Variants in ACAD8 observed in about 807,000 individuals in gnomAD.
The protein encoded by ACAD8 is isobutyryl-CoA dehydrogenase, mitochondrial.
In ACAD8, 47 loss-of-function variants were observed where a neutral mutation model predicts 53.1. That is an observed-to-expected ratio of 0.89 (90% CI 0.70 to 1.13). The LOEUF is 1.13. Ranked by LOEUF, ACAD8 falls within the 50% of genes most tolerant of loss-of-function variation. The pLI is 0.00. For synonymous variants in ACAD8, 198 were observed against 201.3 expected, an observed-to-expected ratio of 0.98 and a Z score of 0.14; for missense variants, 494 against 535.0, an observed-to-expected ratio of 0.92 and a Z score of 0.76.
chr11:134,261,690 G>A lies in ACAD8; in HGVS notation c.940-48G>A. The A allele has an allele frequency of 6.2e-7, 1 of 1,610,210 alleles. No individual in the cohort carries two copies. The highest frequency in any genetic ancestry group is 8.5e-7 in the Non-Finnish European group (1 of 1,179,928). On this transcript the variant is annotated intron_variant, in intron 8 of 10. Coordinates refer to ENST00000281182, the MANE Select transcript of ACAD8 (RefSeq NM_014384.3). This position sits in a 1 kb window ranked among gnomAD's most constrained non-coding sequence, Gnocchi z 4.2. ...TACCGAGGCTCCTGCACCAGGTGCT[G>A]GTCTAAGCCCCTCAGTCTTGTCTGG...
At chr11:134,263,909 ATTTC>A in intron 10 of ACAD8, 1 of 985,398 alleles carries the variant, frequency 1.0e-6, no homozygotes, top group Non-Finnish European at 1.2e-6. Flanking sequence ...GGGGGTTTAT[ATTTC>A]TTTTTGCATT....
At position 134,261,068 on chromosome 11, in the gene ACAD8, C is replaced by G. The variant is rs746960051; in HGVS notation, c.730C>G (p.Arg244Gly). ...GGTGGGGTGGAACTCCCAGCCAACA[C>G]GAGCTGTGATCTTCGAAGACTGTGC... ...KKVGWNSQPT[R>G]AVIFEDCAVP... The change falls in exon 7 of 11, where the codon CGA (arginine) becomes GGA (glycine). Residue 244 changes from arginine to glycine, a missense_variant. Physicochemically the swap from Arg to Gly is moderately radical, Grantham distance 125. Coordinates refer to ENST00000281182, the MANE Select transcript of ACAD8 (RefSeq NM_014384.3). The surrounding 1 kb of genome is among the most constrained non-coding windows in gnomAD (Gnocchi z 4.2). The G allele has an allele frequency of 3.7e-6, 6 of 1,612,662 alleles. No homozygotes were observed. Among genetic ancestry groups the G allele is most frequent in the Non-Finnish European group, 5.1e-6 (6 of 1,179,448 alleles).
At chr11:134,263,156 T>C in intron 10 of ACAD8, 1 of 1,075,576 alleles carries the variant, frequency 9.3e-7, no homozygotes. Flanking sequence ...TGGAAGCCGT[T>C]GGGGTCGGGC....
At chr11:134,262,872 A>T in intron 10 of ACAD8, 1 of 1,386,144 alleles carries the variant, frequency 7.2e-7, no homozygotes, top group Admixed American at 2.2e-5. Flanking sequence ...GATCTGCGAG[A>T]AGGGTGAACT....
intron 10 of ACAD8, chr11:134,264,114 G>T (rs529235486): frequency 1.1e-6 from 1 of 936,668 alleles, no homozygotes; most frequent in Non-Finnish European, 1.3e-6. Context: ...GGAGGCTGAG[G>T]CGGGTGGATC....
In ACAD8 at chr11:134,265,361, C is replaced by A; in HGVS notation, c.*401C>A. 4.7e-6 allele frequency: 1 copy of A among 214,158 alleles called. No individual in the cohort carries two copies. Among genetic ancestry groups the A allele is most frequent in the Non-Finnish European group, 9.4e-6 (1 of 105,824 alleles). The allele number at this position is 214,158 out of a possible 1,614,324, so 13.3% of individuals were successfully genotyped here. ...ACTGATGCTCTTCCTGATTCTAGAG[C>A]AAAGGTGTGGGAAGGGGAAATGGAG... On this transcript the variant is annotated 3_prime_UTR_variant, in exon 11 of 11. Transcript: ENST00000281182.
intron 3 of ACAD8, chr11:134,258,026 A>G (rs147372666): frequency 0.036 from 7,069 of 194,920 alleles, 528 homozygotes; most frequent in African/African-American, 0.16. Flanking sequence ...ATTTTTTTTC[A>G]TATTTAGTAG....
In ACAD8 at chr11:134,260,902, CT is replaced by C. The variant is rs1238236153; in HGVS notation, c.706-137del. On this transcript the variant is annotated intron_variant, in intron 6 of 10. Transcript: ENST00000281182. ...GTGCTGACAGGCCTTTAAACCTGAA[CT>C]TTTTCTTTTTCCTCATTTTAAGTTC... 11 of 967,478 alleles carry C rather than the reference CT, an allele frequency of 1.1e-5. No homozygotes were observed. The Admixed American group carries it at 2.1e-4, about 18-fold the overall frequency. The allele number at this position is 967,478 out of a possible 1,614,324, so 59.9% of individuals were successfully genotyped here. A position where few individuals can be genotyped will look rare whatever the true frequency, so the allele number is the denominator to read the frequency against.
intron 3 of ACAD8, among the ~76,000 whole-genome samples, 169 bp downstream of exon 3, chr11:134,257,426 C>T (rs537513536): frequency 2.6e-5 from 4 of 152,312 alleles, no homozygotes; most frequent in African/African-American, 9.6e-5. Context: ...GTAATCCCAG[C>T]ACTTTGGGAG....
intron 5 of ACAD8, 61 bp downstream of exon 5, chr11:134,259,145 C>G (rs1346957061): frequency 1.4e-6 from 2 of 1,475,272 alleles, no homozygotes; most frequent in African/African-American, 1.4e-5. Flanking sequence ...TCCTGACATC[C>G]TCTGGTTCCT....
chr11:134,264,296 G>T (rs1940068258), intron 10 of ACAD8, among the ~76,000 whole-genome samples: 1 of 152,182 alleles, frequency 6.6e-6, no homozygotes, highest in Non-Finnish European at 1.5e-5. Context: ...AGTGAGCTGA[G>T]ATTGCACCAT....
At chr11:134,264,848 C>G in intron 10 of ACAD8, 60 bp from the exon 11 acceptor site, 1 of 1,490,974 alleles carries the variant, frequency 6.7e-7, no homozygotes. Context: ...CTGGTCAGAG[C>G]TTTACTAAAC....
intron 3 of ACAD8, 92 bp downstream of exon 3, chr11:134,257,349 G>A (rs916848127): frequency 3.1e-5 from 46 of 1,496,092 alleles, no homozygotes; most frequent in Non-Finnish European, 4.2e-5. Context: ...ATCTTTTGAA[G>A]CTGAGTGTCC....
chr11:134,256,928 A>T (rs541660653), intron 2 of ACAD8, 160 bp from the exon 3 acceptor site: 2 of 780,524 alleles, frequency 2.6e-6, no homozygotes, highest in East Asian at 2.6e-5. Context: ...TTTTTACAGG[A>T]CCCATGTTAA....
At chr11:134,264,158 A>G in intron 10 of ACAD8, 1 of 579,934 alleles carries the variant, frequency 1.7e-6, no homozygotes, top group Non-Finnish European at 2.2e-6. Flanking sequence ...CAGCTTGGCC[A>G]ACCCGGTGAA....
intron 1 of ACAD8, 80 bp downstream of exon 1, chr11:134,253,789 C>A (rs1018643242): frequency 1.4e-6 from 2 of 1,383,634 alleles, no homozygotes; most frequent in African/African-American, 1.4e-5. Flanking sequence ...GCAGTCTCCC[C>A]GTTCCATCCA....
At chr11:134,258,879 GT>G in intron 4 of ACAD8, 128 bp from the exon 5 acceptor site, 1 of 897,096 alleles carries the variant, frequency 1.1e-6, no homozygotes, top group South Asian at 1.3e-5. Flanking sequence ...GGCCACTTGG[GT>G]TTTGCAGTGA....
rs1939813389 is a variant in ACAD8, at chr11:134,260,437, T to C, written c.706-607T>C. The C allele has an allele frequency of 2.7e-5, 5 of 182,954 alleles. No homozygotes were observed. The South Asian group carries it at 5.7e-4, about 21-fold the overall frequency. The allele number at this position is 182,954 out of a possible 1,614,324, so 11.3% of individuals were successfully genotyped here. A position where few individuals can be genotyped will look rare whatever the true frequency, so the allele number is the denominator to read the frequency against. On this transcript the variant is annotated intron_variant, in intron 6 of 10. Transcript: ENST00000281182. ...TGAAATGACCCCTAAGTGTACCTCT[T>C]TCTCACAGCTCCTCGGGTTTCTGTA...
intron 6 of ACAD8, chr11:134,260,185 CA>C (rs1392370058): frequency 8.8e-7 from 1 of 1,137,142 alleles, no homozygotes; most frequent in Admixed American, 4.6e-5. Context: ...GGTATTTCAG[CA>C]ACCCAAGAAG....
Sources: gnomAD v4.1 joint callset for allele counts (sites outside exome capture counted in the v4.1 genomes callset) on GRCh38, gnomAD v4.1.1 for gene constraint, Gnocchi (gnomAD v3.1) non-coding constraint, MANE v1.5 for transcripts, NCBI Gene and HGNC (gene_info 2026-07-23, HGNC 2026-07-21) for gene names.